TRIM24: variants seen among roughly 807,000 people sequenced by gnomAD.
TRIM24 encodes the protein transcription intermediary factor 1-alpha.
A neutral mutation model predicts 123.9 loss-of-function variants in TRIM24; 29 were observed. The ratio of observed to expected loss-of-function variants is 0.23; its 90% confidence interval spans 0.17 to 0.32. The LOEUF (loss-of-function observed/expected upper bound fraction) is 0.32, where lower values mean the gene tolerates loss of function less well. Ranked by LOEUF, TRIM24 falls within the 10% of genes least tolerant of loss-of-function variation. The probability of loss-of-function intolerance (pLI) is 1.00; values close to 1 mark genes in which losing one functional copy is unlikely to be tolerated. For missense variants in TRIM24, 932 were observed against 1,295.3 expected (o/e 0.72, Z 4.31); for synonymous variants, 456 against 461.1 (o/e 0.99, Z 0.14).
intron 1 of TRIM24, among the ~76,000 whole-genome samples, chr7:138,496,941 A>G (rs914835695): frequency 1.3e-5 from 2 of 152,048 alleles, no homozygotes; most frequent in East Asian, 1.9e-4. Context: ...ATCATGATGT[A>G]TATGTATTTT....
At chr7:138,572,101 T>C (rs1429632530) in intron 11 of TRIM24, among the ~76,000 whole-genome samples, 2 of 152,232 alleles carry the variant, frequency 1.3e-5, no homozygotes, top group Non-Finnish European at 2.9e-5. Context: ...ATTATTTGTT[T>C]TTCAAGTTGA....
At chr7:138,494,873 C>T (rs1157640798) in intron 1 of TRIM24, among the ~76,000 whole-genome samples, 1 of 151,812 alleles carries the variant, frequency 6.6e-6, no homozygotes, top group African/African-American at 2.4e-5. Context: ...GACATGTAGA[C>T]AAGAGTTATT....
At chr7:138,567,916 A>C (rs1797568971) in intron 10 of TRIM24, among the ~76,000 whole-genome samples, 1 of 152,204 alleles carries the variant, frequency 6.6e-6, no homozygotes, top group Admixed American at 6.6e-5. Flanking sequence ...CTTTTAGGTG[A>C]GTATATTAAA....
intron 7 of TRIM24, among the ~76,000 whole-genome samples, chr7:138,540,708 C>T (rs914556940): frequency 2.0e-5 from 3 of 152,192 alleles, no homozygotes; most frequent in African/African-American, 7.2e-5. Flanking sequence ...TTGTCTCCTC[C>T]CATGAATCAC....
chr7:138,569,443 T>C (rs1797607903), intron 10 of TRIM24, among the ~76,000 whole-genome samples: 1 of 152,174 alleles, frequency 6.6e-6, no homozygotes, highest in Non-Finnish European at 1.5e-5. Flanking sequence ...ATTAAGAAAA[T>C]GCAGTAATCT....
At chr7:138,501,789 G>A (rs1178809118) in intron 1 of TRIM24, among the ~76,000 whole-genome samples, 1 of 151,850 alleles carries the variant, frequency 6.6e-6, no homozygotes, top group African/African-American at 2.4e-5. Flanking sequence ...TTGGGAGGCT[G>A]AGGCAGGAGA....
chr7:138,467,899 CT>C (rs553260800), intron 1 of TRIM24, among the ~76,000 whole-genome samples: 12 of 148,100 alleles, frequency 8.1e-5, no homozygotes, highest in African/African-American at 9.9e-5. Context: ...TATTAAGTAT[CT>C]TTTTTTTTTG....
chr7:138,476,532 G>T (rs1795403954), intron 1 of TRIM24, among the ~76,000 whole-genome samples: 1 of 151,286 alleles, frequency 6.6e-6, no homozygotes, highest in African/African-American at 2.4e-5. Flanking sequence ...GGCGGAGGTT[G>T]CAGTGAGCTG....
At chr7:138,507,218 C>G (rs1460890412) in intron 2 of TRIM24, among the ~76,000 whole-genome samples, 2 of 152,126 alleles carry the variant, frequency 1.3e-5, no homozygotes, top group East Asian at 1.9e-4. Flanking sequence ...ACTAAAGAAA[C>G]AGTTGACATA....
At chr7:138,470,811 T>C (rs1795257327) in intron 1 of TRIM24, among the ~76,000 whole-genome samples, 1 of 152,228 alleles carries the variant, frequency 6.6e-6, no homozygotes, top group Non-Finnish European at 1.5e-5. Context: ...GGCAAGGAGA[T>C]CCCTGTCCTA....
chr7:138,503,237 T>A (rs1387268207), intron 1 of TRIM24, among the ~76,000 whole-genome samples: 1 of 152,138 alleles, frequency 6.6e-6, no homozygotes, highest in Non-Finnish European at 1.5e-5. Context: ...CTTGTGAAAA[T>A]TCTATGGAAA....
chr7:138,575,127 T>C (rs1797729255), intron 12 of TRIM24, among the ~76,000 whole-genome samples: 1 of 152,122 alleles, frequency 6.6e-6, no homozygotes, highest in Non-Finnish European at 1.5e-5. Context: ...TACAGAACCA[T>C]ATAAAAGATG....
At chr7:138,485,546 C>T (rs1003711411) in intron 1 of TRIM24, among the ~76,000 whole-genome samples, 1 of 152,064 alleles carries the variant, frequency 6.6e-6, no homozygotes, top group South Asian at 2.1e-4. Flanking sequence ...ATGTTCTCTG[C>T]CCTGTGTCCA....
At chr7:138,566,843 G>A (rs973121302) in intron 9 of TRIM24, among the ~76,000 whole-genome samples, 4 of 152,042 alleles carry the variant, frequency 2.6e-5, no homozygotes, top group Admixed American at 2.6e-4. Context: ...CATTATTAAC[G>A]ATTTGTTCAT....
chr7:138,587,444 T>A lies in TRIM24; in HGVS notation c.*2493T>A, dbSNP rs1484747472. On this transcript the variant is annotated 3_prime_UTR_variant, in exon 19 of 19. Coordinates refer to ENST00000343526, the MANE Select transcript of TRIM24 (RefSeq NM_015905.3). Reference sequence around the variant, plus strand: ...TCCTTTGACTTTATTAATAAGTACCTGTGTGCCCAGGTGGATCTCAGCTAA... The same window carrying A: ...TCCTTTGACTTTATTAATAAGTACCAGTGTGCCCAGGTGGATCTCAGCTAA... The A allele has an allele frequency of 6.6e-6, 1 of 152,244 alleles. No individual in the cohort carries two copies. The highest frequency in any genetic ancestry group is 2.4e-5 in the African/African-American group (1 of 41,464). The allele number at this position is 152,244 out of a possible 1,614,324, so 9.4% of individuals were successfully genotyped here.
chr7:138,578,274 A>AAAC (rs1797807686), intron 14 of TRIM24, among the ~76,000 whole-genome samples: 1 of 151,840 alleles, frequency 6.6e-6, no homozygotes, highest in South Asian at 2.1e-4. Flanking sequence ...AACAATATTT[A>AAAC]AATAATAATA....
At chr7:138,527,081 C>T (rs2116580302) in intron 5 of TRIM24, among the ~76,000 whole-genome samples, 1 of 152,098 alleles carries the variant, frequency 6.6e-6, no homozygotes, top group South Asian at 2.1e-4. Flanking sequence ...TTTCCACTAT[C>T]ATTTGTTGAA....
At chr7:138,542,897 C>G (rs1303055076) in intron 7 of TRIM24, among the ~76,000 whole-genome samples, 2 of 152,138 alleles carry the variant, frequency 1.3e-5, no homozygotes, top group African/African-American at 4.8e-5. Context: ...GCTATAGTCT[C>G]CATCCTGAGT....
In TRIM24 at chr7:138,460,654, C is replaced by A; in HGVS notation, c.106C>A (p.Arg36=). The A allele has an allele frequency of 1.3e-6, 2 of 1,483,490 alleles. No homozygotes were observed. The highest frequency in any genetic ancestry group is 1.8e-6 in the Non-Finnish European group (2 of 1,121,210). The allele number at this position is 1,483,490 out of a possible 1,614,324, so 91.9% of individuals were successfully genotyped here. A position where few individuals can be genotyped will look rare whatever the true frequency, so the allele number is the denominator to read the frequency against. The part of the protein sequence containing the change: ...APSGENEAES[R]QGPDSERGGE... ...GAGCGGGGAGAACGAGGCCGAGAGT[C>A]GGCAGGGCCCGGACTCGGAGCGCGG... is the stretch of plus-strand genomic sequence containing the variant. The change falls in exon 1 of 19, where the codon CGG becomes AGG. Residue 36 remains arginine, a synonymous_variant. Transcript: ENST00000343526.
Sources: allele counts gnomAD v4.1 joint callset (sites outside exome capture counted in the v4.1 genomes callset), GRCh38; gene constraint gnomAD v4.1.1; transcripts MANE v1.5; gene names NCBI Gene and HGNC (gene_info 2026-07-23, HGNC 2026-07-21).